TRIP12: variants seen among roughly 807,000 people sequenced by gnomAD.
TRIP12 encodes thyroid hormone receptor interactor 12, also known as E3 ubiquitin-protein ligase TRIP12.
In TRIP12, 25 loss-of-function variants were observed where a neutral mutation model predicts 244.2. The observed-to-expected ratio is 0.10, with a 90% CI of 0.07 to 0.14. The LOEUF (loss-of-function observed/expected upper bound fraction) is 0.14, where lower values mean the gene tolerates loss of function less well. TRIP12 is among the 10% of genes least tolerant of loss of function. TRIP12 has a pLI of 1.00. For missense variants in TRIP12, 1,677 were observed against 2,486.4 expected, an observed-to-expected ratio of 0.67 and a Z score of 6.92; for synonymous variants, 905 against 873.1, an observed-to-expected ratio of 1.04 and a Z score of -0.64.
In TRIP12 at chr2:229,883,848, G is replaced by A. The variant is rs374242605; in HGVS notation, c.-49-3720C>T. On this transcript the variant is annotated intron_variant, in intron 1 of 41. Transcript: ENST00000675903. ...TAACTCTACACGCAAATACCACATAGAGAAACAAAAACAAAAACAATCGGC... is the reference window on the plus strand; with the variant it reads ...TAACTCTACACGCAAATACCACATAAAGAAACAAAAACAAAAACAATCGGC... Among the ~76,000 whole-genome samples the A allele has an allele frequency of 5.3e-5, 8 of 152,044 alleles. No individual in the cohort carries two copies. In the East Asian group the frequency reaches 1.5e-3, roughly 29 times the overall value.
chr2:229,793,345 G>A (rs1452689969), intron 26 of TRIP12, 200 bp from the exon 27 acceptor site: 8 of 455,610 alleles, frequency 1.8e-5, no homozygotes, highest in East Asian at 1.0e-4. Context: ...AATAAAAGAC[G>A]GATGTGTATG....
At chr2:229,803,260 T>G (rs1401377149) in intron 20 of TRIP12, among the ~76,000 whole-genome samples, 1 of 152,162 alleles carries the variant, frequency 6.6e-6, no homozygotes, top group Admixed American at 6.5e-5. Context: ...AGCCCAGGTG[T>G]GCACCACCAC....
chr2:229,777,432 T>C lies in TRIP12; in HGVS notation c.5412A>G (p.Gln1804=), dbSNP rs764876565. The C allele has an allele frequency of 2.3e-5, 37 of 1,613,980 alleles. No individual in the cohort carries two copies. Among genetic ancestry groups the C allele is most frequent in the Non-Finnish European group, 2.8e-5 (33 of 1,179,872 alleles). ...AATCGTGTGATGTCAGTGAAGTTTC[T>C]TGCCGTAGCATCCATTTATAAAAGG... is the stretch of plus-strand genomic sequence containing the variant. ...GLPFYKWMLR[Q]ETSLTSHDLF... Residue 1804 remains glutamine, a synonymous_variant, in exon 37 of 42, where the codon CAA becomes CAG. Coordinates refer to ENST00000675903, the MANE Select transcript of TRIP12 (RefSeq NM_001348323.3).
chr2:229,820,770 T>C (rs2049846986), intron 8 of TRIP12, among the ~76,000 whole-genome samples: 2 of 152,240 alleles, frequency 1.3e-5, no homozygotes, highest in East Asian at 1.9e-4. Flanking sequence ...TCTGTATTTT[T>C]AGTAGAGATG....
chr2:229,838,290 A>T (rs990266706), intron 5 of TRIP12, among the ~76,000 whole-genome samples: 12 of 152,198 alleles, frequency 7.9e-5, no homozygotes, highest in Non-Finnish European at 1.0e-4. Flanking sequence ...CTCATTTAAG[A>T]TCTAATCTCC....
intron 8 of TRIP12, among the ~76,000 whole-genome samples, chr2:229,827,193 T>C (rs1294483337): frequency 6.6e-6 from 1 of 151,380 alleles, no homozygotes; most frequent in Admixed American, 6.6e-5. Flanking sequence ...AGCAGGAGAA[T>C]CGCTTGAACC....
At chr2:229,907,733 T>C (rs2073208501) in intron 1 of TRIP12, among the ~76,000 whole-genome samples, 1 of 152,096 alleles carries the variant, frequency 6.6e-6, no homozygotes, top group Non-Finnish European at 1.5e-5. Flanking sequence ...AGCCCACAAG[T>C]TCGAAGCTGC....
chr2:229,856,200 T>C (rs998893992), intron 4 of TRIP12, among the ~76,000 whole-genome samples: 1 of 152,176 alleles, frequency 6.6e-6, no homozygotes, highest in Non-Finnish European at 1.5e-5. Context: ...AGAACTGGGA[T>C]AGTGGCAGTG....
intron 4 of TRIP12, among the ~76,000 whole-genome samples, chr2:229,847,522 C>A (rs1331478954): frequency 6.6e-6 from 1 of 152,184 alleles, no homozygotes; most frequent in African/African-American, 2.4e-5. Flanking sequence ...CATAAATCTA[C>A]AAGGATGAGA....
In TRIP12 at chr2:229,785,826, T is replaced by C; in HGVS notation, c.5025A>G (p.Lys1675=). 1 of 1,613,686 alleles carries C rather than the reference T, an allele frequency of 6.2e-7. No individual in the cohort carries two copies. Among genetic ancestry groups the C allele is most frequent in the African/African-American group, 1.3e-5 (1 of 75,016 alleles). Reference sequence around the variant, plus strand: ...GGTCCTGCATCACAGACTCCGCCTGTTTCAGCAGCTCCTCTCGGTTCACAG... The same window carrying C: ...GGTCCTGCATCACAGACTCCGCCTGCTTCAGCAGCTCCTCTCGGTTCACAG... ...KRTVNREELL[K]QAESVMQDLG... Residue 1675 remains lysine (K), a synonymous_variant, in exon 34 of 42, where the codon AAA becomes AAG. Transcript: ENST00000675903.
chr2:229,801,576 T>C (rs151299675), intron 21 of TRIP12, among the ~76,000 whole-genome samples: 25 of 152,350 alleles, frequency 1.6e-4, no homozygotes, highest in South Asian at 6.2e-4. Context: ...CATCTAGTAA[T>C]ATTAAGCTTC....
chr2:229,848,951 A>G (rs1435349086), intron 4 of TRIP12, among the ~76,000 whole-genome samples: 3 of 152,220 alleles, frequency 2.0e-5, no homozygotes, highest in African/African-American at 4.8e-5. Context: ...AAAATCTCAT[A>G]CTTTTCCTTA....
chr2:229,880,954 A>G (rs953398942), intron 1 of TRIP12, among the ~76,000 whole-genome samples: 1 of 152,218 alleles, frequency 6.6e-6, no homozygotes, highest in East Asian at 1.9e-4. Flanking sequence ...AAAACTAAAC[A>G]AAACAAACAA....
At chr2:229,922,209 C>G (rs965899634), upstream of TRIP12, 1 of 277,448 alleles carries the variant, frequency 3.6e-6, no homozygotes, top group Admixed American at 5.1e-5. Context: ...GATCTCCGCC[C>G]GATCCCTTCG....
At chr2:229,883,891 G>A (rs1184070329) in intron 1 of TRIP12, among the ~76,000 whole-genome samples, 4 of 152,058 alleles carry the variant, frequency 2.6e-5, no homozygotes, top group Non-Finnish European at 4.4e-5. Flanking sequence ...GGTGGCTCAC[G>A]TGAGGTCATG....
intron 9 of TRIP12, among the ~76,000 whole-genome samples, 157 bp downstream of exon 9, chr2:229,818,207 T>A (rs770894732): frequency 1.8e-4 from 27 of 152,204 alleles, no homozygotes; most frequent in Non-Finnish European, 2.2e-4. Flanking sequence ...GCTCACAGTA[T>A]CTGTAAGCAT....
At chr2:229,873,883 C>T (rs1316052955) in intron 2 of TRIP12, among the ~76,000 whole-genome samples, 4 of 151,992 alleles carry the variant, frequency 2.6e-5, no homozygotes, top group African/African-American at 9.7e-5. Flanking sequence ...AGCATTTCCT[C>T]TCATCATTCA....
chr2:229,873,818 T>C (rs968586913), intron 2 of TRIP12, among the ~76,000 whole-genome samples: 30 of 152,284 alleles, frequency 2.0e-4, no homozygotes, highest in African/African-American at 7.2e-4. Flanking sequence ...ACATAATTAT[T>C]AAAACTTTGC....
chr2:229,787,232 A>G (rs1424650691), intron 33 of TRIP12, among the ~76,000 whole-genome samples: 2 of 152,164 alleles, frequency 1.3e-5, no homozygotes, highest in Non-Finnish European at 2.9e-5. Context: ...AGAAGACAAG[A>G]TTCTTTCTTG....
Sources: allele counts gnomAD v4.1 joint callset (sites outside exome capture counted in the v4.1 genomes callset), GRCh38; gene constraint gnomAD v4.1.1; transcripts MANE v1.5; gene names NCBI Gene and HGNC (gene_info 2026-07-23, HGNC 2026-07-21).